The following THBS2 variants were observed in gnomAD, a reference collection of about 807,000 sequenced individuals.
THBS2 encodes the protein thrombospondin 2.
THBS2 carries 47 observed loss-of-function variants against 135.2 expected under a neutral mutation model. The observed-to-expected ratio is 0.35, with a 90% CI of 0.28 to 0.44. The LOEUF (loss-of-function observed/expected upper bound fraction) is 0.44, where lower values mean the gene tolerates loss of function less well. THBS2 is among the 20% of genes least tolerant of loss of function. The pLI is 1.00. For missense variants in THBS2, 1,288 were observed against 1,603.1 expected (o/e 0.80, Z 3.36); for synonymous variants, 639 against 633.8 (o/e 1.01, Z -0.12).
intron 19 of THBS2, 25 bp downstream of exon 19, chr6:169,222,172 T>A: frequency 6.3e-7 from 1 of 1,576,734 alleles, no homozygotes; most frequent in South Asian, 1.2e-5. Context: ...AGAGGAGATG[T>A]GTGGGCCTGG....
chr6:169,240,379 T>A, intron 6 of THBS2, 73 bp downstream of exon 6: 1 of 1,579,048 alleles, frequency 6.3e-7, no homozygotes, highest in Middle Eastern at 2.3e-4. Context: ...ACGCTGGCAT[T>A]TCCAGGCAGT....
Position 169,248,596 on chromosome 6 carries a change from G to A in THBS2, c.430C>T (p.Leu144=). Residue 144 remains leucine (L), a synonymous_variant, in exon 3 of 22, where the codon CTG becomes TTG. Transcript: ENST00000617924. ...RHVVSLEDVG[L]ADSQWKNVTV... ...ACGTTCTTCCACTGCGAGTCAGCCAGGCCGACGTCCTCCAGGGAGACCACA... is the reference window on the plus strand; with the variant it reads ...ACGTTCTTCCACTGCGAGTCAGCCAAGCCGACGTCCTCCAGGGAGACCACA... 1 of 1,614,048 alleles carries A rather than the reference G, an allele frequency of 6.2e-7. No homozygotes were observed.
chr6:169,218,827 T>C (rs1562351997), intron 21 of THBS2, among the ~76,000 whole-genome samples: 1 of 113,600 alleles, frequency 8.8e-6, no homozygotes, highest in Non-Finnish European at 1.8e-5. Context: ...GGTGGGTGGC[T>C]GAGATGGATG....
At chr6:169,224,463 C>A (rs556655876) in intron 17 of THBS2, among the ~76,000 whole-genome samples, 17 of 152,330 alleles carry the variant, frequency 1.1e-4, no homozygotes, top group African/African-American at 3.8e-4. Context: ...ACTTCTGAGT[C>A]ATGCTGTCTC....
At chr6:169,222,530 C>T in intron 18 of THBS2, 62 bp from the exon 19 acceptor site, 3 of 1,558,622 alleles carry the variant, frequency 1.9e-6, no homozygotes, top group Middle Eastern at 1.7e-4. Context: ...AGTAGTGACT[C>T]ATGCCTGTAA....
At position 169,237,022 on chromosome 6, in the gene THBS2, CG is replaced by C. The variant is rs1780120751; in HGVS notation, c.1477+147del. ...GATGGGTTCATTACCGAGCCAGGCC[CG>C]GGATGGCAGCCCCCTTTGCTGCTCG... On this transcript the variant is annotated intron_variant, in intron 9 of 21. Coordinates refer to ENST00000617924, the MANE Select transcript of THBS2 (RefSeq NM_003247.5). 1.1e-5 allele frequency: 10 copies of C among 889,498 alleles called. No homozygotes were observed. The South Asian group carries it at 1.6e-4, about 14-fold the overall frequency. 55.1% of individuals were successfully genotyped at this position (889,498 alleles called of 1,614,324 possible).
intron 20 of THBS2, among the ~76,000 whole-genome samples, chr6:169,220,787 A>G (rs142637837): frequency 1.6e-3 from 237 of 152,314 alleles, no homozygotes; most frequent in African/African-American, 5.4e-3. Flanking sequence ...TGGGGCATCA[A>G]TATGAATAAA....
intron 3 of THBS2, among the ~76,000 whole-genome samples, chr6:169,248,148 T>C (rs1343368099): frequency 6.6e-6 from 1 of 151,928 alleles, no homozygotes; most frequent in Non-Finnish European, 1.5e-5. Flanking sequence ...TTTGGATGTG[T>C]GTTCATGTGT....
chr6:169,238,063 G>A (rs1284464397), intron 7 of THBS2, among the ~76,000 whole-genome samples: 1 of 152,182 alleles, frequency 6.6e-6, no homozygotes, highest in Non-Finnish European at 1.5e-5. Context: ...GGTGCTGAGG[G>A]GAGCTAAATC....
intron 17 of THBS2, among the ~76,000 whole-genome samples, chr6:169,224,682 T>TG (rs1583405971): frequency 6.6e-6 from 1 of 152,200 alleles, no homozygotes; most frequent in South Asian, 2.1e-4. Flanking sequence ...CCCGTGGCTA[T>TG]GGGCCACCTA....
At chr6:169,222,139 A>G in intron 19 of THBS2, 58 bp downstream of exon 19, 1 of 1,526,446 alleles carries the variant, frequency 6.6e-7, no homozygotes, top group Admixed American at 1.9e-5. Flanking sequence ...TCCTGCTGAA[A>G]CACTCTGCAG....
chr6:169,250,629 G>T (rs562922035), intron 2 of THBS2, 104 bp downstream of exon 2: 3 of 994,692 alleles, frequency 3.0e-6, no homozygotes, highest in African/African-American at 3.2e-5. Context: ...AGGTCCTCAC[G>T]GGTAAGATTG....
At chr6:169,250,689 A>G (rs1170545379) in intron 2 of THBS2, 44 bp downstream of exon 2, 2 of 1,580,394 alleles carry the variant, frequency 1.3e-6, no homozygotes, top group African/African-American at 2.7e-5. Flanking sequence ...GCTAAGCCAT[A>G]TCTCACAAGC....
At chr6:169,237,415 C>T in intron 8 of THBS2, 69 bp from the exon 9 acceptor site, 1 of 1,586,104 alleles carries the variant, frequency 6.3e-7, no homozygotes, top group Non-Finnish European at 8.6e-7. Context: ...AGCGGTGTGC[C>T]TTATTAACCG....
intron 14 of THBS2, 72 bp downstream of exon 14, chr6:169,229,500 T>TA: frequency 8.4e-7 from 1 of 1,194,902 alleles, no homozygotes; most frequent in Non-Finnish European, 1.2e-6. Flanking sequence ...GGCTGTTTGG[T>TA]ATAAAGTGGC....
intron 21 of THBS2, among the ~76,000 whole-genome samples, chr6:169,219,354 G>GAGATGGATT (rs1291779614): frequency 6.7e-6 from 1 of 150,092 alleles, no homozygotes; most frequent in Non-Finnish European, 1.5e-5. Context: ...ATGGATGGAT[G>GAGATGGATT]GTTGGGTGAA....
intron 10 of THBS2, 125 bp from the exon 11 acceptor site, chr6:169,233,142 C>T: frequency 7.5e-7 from 1 of 1,329,818 alleles, no homozygotes; most frequent in Non-Finnish European, 9.9e-7. Flanking sequence ...CAGGAACACT[C>T]TGGTGTGATT....
chr6:169,246,301 G>A lies in THBS2; in HGVS notation c.610-20C>T. On this transcript the variant is annotated intron_variant, in intron 3 of 21. Coordinates refer to ENST00000617924, the MANE Select transcript of THBS2 (RefSeq NM_003247.5). ...CAAACCCTGTAAGTATACACAAGCA[G>A]AAAAATAGAGCAACAGATAAACATC... 1 of 1,591,800 alleles carries A rather than the reference G, an allele frequency of 6.3e-7. No homozygotes were observed. Among genetic ancestry groups the A allele is most frequent in the Non-Finnish European group, 8.6e-7 (1 of 1,160,760 alleles).
intron 4 of THBS2, 137 bp from the exon 5 acceptor site, chr6:169,242,095 C>A: frequency 1.0e-6 from 1 of 1,000,160 alleles, no homozygotes. Flanking sequence ...AGGACTGGGC[C>A]AGCAGCAGAG....
Sources: gnomAD v4.1 joint callset for allele counts (sites outside exome capture counted in the v4.1 genomes callset) on GRCh38, gnomAD v4.1.1 for gene constraint, MANE v1.5 for transcripts, NCBI Gene and HGNC (gene_info 2026-07-23, HGNC 2026-07-21) for gene names.